The following CERT1 variants were observed in gnomAD, a reference collection of about 807,000 sequenced individuals.
The protein encoded by CERT1 is ceramide transfer protein.
Under a neutral mutation model 87.9 loss-of-function variants are expected in CERT1, and 31 were observed. That is an observed-to-expected ratio of 0.35 (90% confidence interval 0.27 to 0.48). The LOEUF is 0.48. Ranked by LOEUF, CERT1 falls within the 20% of genes least tolerant of loss-of-function variation. CERT1 has a pLI of 0.99. For synonymous variants in CERT1, 289 were observed against 250.9 expected (o/e 1.15, Z -1.44); for missense variants, 487 against 758.0 (o/e 0.64, Z 4.20).
intron 2 of CERT1, among the ~76,000 whole-genome samples, chr5:75,492,284 G>A (rs1648692431): frequency 6.6e-6 from 1 of 152,184 alleles, no homozygotes; most frequent in African/African-American, 2.4e-5. Context: ...AGGATCATGA[G>A]CCCAGGAGGT....
At chr5:75,396,748 A>G (rs1272529401) in intron 11 of CERT1, among the ~76,000 whole-genome samples, 2 of 151,892 alleles carry the variant, frequency 1.3e-5, no homozygotes, top group Non-Finnish European at 2.9e-5. Flanking sequence ...AAAAAAAACA[A>G]AAAACAGAAA....
In CERT1 at chr5:75,421,378, C is replaced by T. The variant is rs78861964; in HGVS notation, c.596-1954G>A. ...ACTGGACTATTTCATTTTTTTATAA[C>T]CACTTGAAAATGTTGTCAATCATCT... On this transcript the variant is annotated intron_variant, in intron 5 of 16. Coordinates refer to ENST00000643780, the MANE Select transcript of CERT1 (RefSeq NM_001379029.1). Among the ~76,000 whole-genome samples, 316 of 152,234 alleles carry T rather than the reference C, an allele frequency of 2.1e-3. 1 individual carries two copies. In the East Asian group the frequency reaches 0.027, roughly 13 times the overall value.
chr5:75,421,139 C>T lies in CERT1; in HGVS notation c.596-1715G>A, dbSNP rs1015575489. ...GGCTCCTTTATCTTTTCAGGAACTCCCTTTATAAAGAAGGAATCTACATTT... is the reference window on the plus strand; with the variant it reads ...GGCTCCTTTATCTTTTCAGGAACTCTCTTTATAAAGAAGGAATCTACATTT... On this transcript the variant is annotated intron_variant, in intron 5 of 16. Transcript: ENST00000643780. 1.3e-5 allele frequency among the ~76,000 whole-genome samples: 2 copies of T among 152,138 alleles called. 1 individual carries two copies. Among genetic ancestry groups the T allele is most frequent in the Non-Finnish European group, 2.9e-5 (2 of 68,014 alleles).
In CERT1 at chr5:75,470,893, G is replaced by A. The variant is rs76984413; in HGVS notation, c.232-11712C>T. 2.1e-3 allele frequency among the ~76,000 whole-genome samples: 315 copies of A among 152,174 alleles called. No homozygotes were observed. In the East Asian group the frequency reaches 0.027, roughly 13 times the overall value. On this transcript the variant is annotated intron_variant, in intron 2 of 16. Transcript: ENST00000643780. The stretch of plus-strand genomic sequence containing the variant: ...AATAAATGAATTCAGTAAGCTTGCA[G>A]GGAACAAAATCAACATAAAAAAATC...
intron 3 of CERT1, among the ~76,000 whole-genome samples, chr5:75,441,869 G>A (rs1580776418): frequency 6.6e-6 from 1 of 152,274 alleles, no homozygotes; most frequent in South Asian, 2.1e-4. Context: ...CCAGGAACAC[G>A]GGTATACAAC....
At chr5:75,384,588 G>A in intron 14 of CERT1, 54 bp downstream of exon 14, 1 of 1,248,348 alleles carries the variant, frequency 8.0e-7, no homozygotes, top group South Asian at 1.3e-5. Context: ...GAATCTATAT[G>A]TCTGAGTTTG....
chr5:75,428,850 C>G (rs1425710683), intron 3 of CERT1, among the ~76,000 whole-genome samples: 4 of 152,088 alleles, frequency 2.6e-5, no homozygotes, highest in Non-Finnish European at 5.9e-5. Flanking sequence ...GAACAAAGCA[C>G]ATTCCAAAAA....
chr5:75,413,436 G>A (rs977195630), intron 7 of CERT1, among the ~76,000 whole-genome samples: 1 of 152,076 alleles, frequency 6.6e-6, no homozygotes. Flanking sequence ...AGAGAAAATG[G>A]GACTACAGAT....
chr5:75,497,759 G>A (rs529387165), intron 2 of CERT1, among the ~76,000 whole-genome samples: 8 of 152,038 alleles, frequency 5.3e-5, no homozygotes, highest in African/African-American at 7.2e-5. Flanking sequence ...ACCCAGTCTC[G>A]GGTATTTCTT....
rs560814209 is a variant in CERT1 at position 75,508,035 on chromosome 5, T to A, written c.97-1919A>T. ...TTTTTTCATAATTTACACAAGCTTA[T>A]TTACTTACTAAGCATATTTGCCTAC... On this transcript the variant is annotated intron_variant, in intron 1 of 16. Transcript: ENST00000643780. 1.9e-3 allele frequency among the ~76,000 whole-genome samples: 290 copies of A among 152,340 alleles called. 2 individuals carry two copies. The highest frequency in any genetic ancestry group is 1.8e-3 in the Non-Finnish European group (124 of 68,022).
At chr5:75,393,263 G>A (rs1466289799) in intron 11 of CERT1, among the ~76,000 whole-genome samples, 1 of 151,940 alleles carries the variant, frequency 6.6e-6, no homozygotes, top group South Asian at 2.1e-4. Context: ...AGTTGAAAAT[G>A]ATTAGGTGAC....
At position 75,429,872 on chromosome 5, in the gene CERT1, G is replaced by T. The variant is rs532965663; in HGVS notation, c.349-3394C>A. ...AAAAAAAAAAAAGCAAGGGTAAAAA[G>T]AATAGTAGAGATTAGAAGTGGTAGT... On this transcript the variant is annotated intron_variant, in intron 3 of 16. Transcript: ENST00000643780. 1.7e-4 allele frequency among the ~76,000 whole-genome samples: 25 copies of T among 143,458 alleles called. No homozygotes were observed. In the East Asian group the frequency reaches 5.1e-3, roughly 30 times the overall value. 94.1% of individuals were successfully genotyped at this position (143,458 alleles called of 152,430 possible).
chr5:75,430,227 T>C (rs556974866), intron 3 of CERT1, among the ~76,000 whole-genome samples: 1 of 152,342 alleles, frequency 6.6e-6, no homozygotes, highest in South Asian at 2.1e-4. Flanking sequence ...TGCTTGCTTA[T>C]AAAACATTCT....
chr5:75,464,453 C>A (rs765832578), intron 2 of CERT1, among the ~76,000 whole-genome samples: 9 of 152,128 alleles, frequency 5.9e-5, no homozygotes, highest in Non-Finnish European at 1.3e-4. Flanking sequence ...ATGGGGGATG[C>A]GGGTGAAGGC....
chr5:75,428,398 G>T (rs1048513416), intron 3 of CERT1, among the ~76,000 whole-genome samples: 4 of 152,144 alleles, frequency 2.6e-5, no homozygotes, highest in Non-Finnish European at 5.9e-5. Context: ...AAAATAGTTG[G>T]CCGGGTGCGG....
At chr5:75,471,196 TTTC>T (rs1765690489) in intron 2 of CERT1, among the ~76,000 whole-genome samples, 1 of 152,166 alleles carries the variant, frequency 6.6e-6, no homozygotes, top group African/African-American at 2.4e-5. Flanking sequence ...TTTTTGGTGA[TTTC>T]GTCAGCTATA....
chr5:75,460,928 G>A (rs1765198366), intron 2 of CERT1, among the ~76,000 whole-genome samples: 1 of 152,162 alleles, frequency 6.6e-6, no homozygotes, highest in Non-Finnish European at 1.5e-5. Flanking sequence ...GAGAAGTAGA[G>A]TGTGCTAGAA....
chr5:75,414,907 C>T (rs1002671103), intron 7 of CERT1, among the ~76,000 whole-genome samples: 2 of 152,062 alleles, frequency 1.3e-5, no homozygotes, highest in African/African-American at 4.8e-5. Flanking sequence ...CTGAATGAAA[C>T]AATTTCAGTG....
chr5:75,404,220 A>G (rs1762613247), intron 8 of CERT1, among the ~76,000 whole-genome samples: 1 of 150,500 alleles, frequency 6.6e-6, no homozygotes. Flanking sequence ...CATTTGGCAT[A>G]TAAGAAATGT....
Sources: gnomAD v4.1 joint callset for allele counts (sites outside exome capture counted in the v4.1 genomes callset) on GRCh38, gnomAD v4.1.1 for gene constraint, MANE v1.5 for transcripts, NCBI Gene and HGNC (gene_info 2026-07-23, HGNC 2026-07-21) for gene names.